DNM1L: variants seen among roughly 807,000 people sequenced by gnomAD.
The protein encoded by DNM1L is dynamin-1-like protein.
Under a neutral mutation model 92.8 loss-of-function variants are expected in DNM1L, and 33 were observed. That is an observed-to-expected ratio of 0.36 (90% CI 0.27 to 0.48). The LOEUF (loss-of-function observed/expected upper bound fraction) is 0.48, where lower values mean the gene tolerates loss of function less well. DNM1L is among the 20% of genes least tolerant of loss of function. The pLI is 0.99. For missense variants in DNM1L, 485 were observed against 888.8 expected (o/e 0.55, Z 5.78); for synonymous variants, 284 against 305.0 (o/e 0.93, Z 0.72).
At chr12:32,739,787 TG>T in intron 16 of DNM1L, 1 of 395,366 alleles carries the variant, frequency 2.5e-6, no homozygotes, top group Admixed American at 3.8e-5. Flanking sequence ...GGAACGATTT[TG>T]AAAAGTTAGC....
intron 9 of DNM1L, chr12:32,726,960 T>C: frequency 1.4e-6 from 1 of 729,338 alleles, no homozygotes; most frequent in Non-Finnish European, 2.5e-6. Context: ...GAACTTCACT[T>C]TGGTATCTTT....
chr12:32,715,577 C>G (rs753437010), intron 6 of DNM1L, among the ~76,000 whole-genome samples: 5 of 151,784 alleles, frequency 3.3e-5, no homozygotes, highest in Non-Finnish European at 7.4e-5. Flanking sequence ...TCTAAAAATA[C>G]AAAAATTAGC....
intron 1 of DNM1L, among the ~76,000 whole-genome samples, chr12:32,688,752 A>G (rs1952119727): frequency 6.6e-6 from 1 of 152,170 alleles, no homozygotes; most frequent in Non-Finnish European, 1.5e-5. Flanking sequence ...ACAGACGATA[A>G]TTCTGCCTTA....
At chr12:32,713,495 T>A in intron 6 of DNM1L, 124 bp downstream of exon 6, 2 of 1,092,126 alleles carry the variant, frequency 1.8e-6, no homozygotes, top group Non-Finnish European at 2.7e-6. Context: ...AAGATAATGC[T>A]TTCCTATTTT....
chr12:32,714,228 A>G (rs1953259038), intron 6 of DNM1L, among the ~76,000 whole-genome samples: 1 of 151,538 alleles, frequency 6.6e-6, no homozygotes, highest in Admixed American at 6.6e-5. Context: ...TAAGACTGCC[A>G]ATCTGCCAAT....
chr12:32,707,225 A>G (rs1401270530), intron 2 of DNM1L, 142 bp from the exon 3 acceptor site: 1 of 576,732 alleles, frequency 1.7e-6, no homozygotes, highest in African/African-American at 1.9e-5. Context: ...AATTTAGCAG[A>G]CCTTAAAATA....
chr12:32,737,609 A>G (rs751919027), intron 14 of DNM1L: 5 of 471,200 alleles, frequency 1.1e-5, no homozygotes, highest in African/African-American at 2.0e-5. Flanking sequence ...GCCAGAAAAG[A>G]ATCTTATTAA....
At chr12:32,708,125 T>C (rs1214761437) in intron 3 of DNM1L, 28 bp from the exon 4 acceptor site, 2 of 1,382,394 alleles carry the variant, frequency 1.4e-6, no homozygotes, top group East Asian at 4.6e-5. Context: ...TTTTGAATAT[T>C]ATGCTTTTTT....
intron 18 of DNM1L, among the ~76,000 whole-genome samples, chr12:32,741,578 C>T (rs1955295683): frequency 6.6e-6 from 1 of 152,200 alleles, no homozygotes; most frequent in Non-Finnish European, 1.5e-5. Flanking sequence ...AGCCACTGCA[C>T]CCGGCTCACT....
At chr12:32,683,516 C>A (rs1171183601) in intron 1 of DNM1L, among the ~76,000 whole-genome samples, 1 of 151,226 alleles carries the variant, frequency 6.6e-6, no homozygotes, top group Non-Finnish European at 1.5e-5. Flanking sequence ...CTGCACCTAG[C>A]CTAAAAATAA....
chr12:32,717,930 TTATATATATATAAAATATAGTATATATAG>T (rs1953584891), intron 6 of DNM1L, among the ~76,000 whole-genome samples: 1 of 80,250 alleles, frequency 1.2e-5, no homozygotes. Flanking sequence ...AGTATATATT[TTATATATATATAAAATATAGTATATATAG>T]TATATATATT....
intron 8 of DNM1L, among the ~76,000 whole-genome samples, chr12:32,722,194 A>G (rs1020737100): frequency 1.3e-5 from 2 of 152,186 alleles, no homozygotes; most frequent in African/African-American, 4.8e-5. Context: ...GCCACCAGTC[A>G]TCTCATTAGC....
chr12:32,684,423 C>T (rs756981287), intron 1 of DNM1L, among the ~76,000 whole-genome samples: 5 of 152,174 alleles, frequency 3.3e-5, no homozygotes, highest in Non-Finnish European at 7.3e-5. Context: ...TTAGTGGAAT[C>T]CTATAATATG....
chr12:32,745,351 T>TAAAG lies in DNM1L; in HGVS notation c.*1943_*1946dup. 4.4e-6 allele frequency: 1 copy of TAAAG among 226,694 alleles called. No homozygotes were observed. Among genetic ancestry groups the TAAAG allele is most frequent in the Non-Finnish European group, 8.6e-6 (1 of 115,766 alleles). The allele number at this position is 226,694 out of a possible 1,614,324, so 14.0% of individuals were successfully genotyped here. On this transcript the variant is annotated 3_prime_UTR_variant, in exon 20 of 20. Coordinates refer to ENST00000549701, the MANE Select transcript of DNM1L (RefSeq NM_012062.5). ...GCACATCAGATTTCAAATTGAAAAT[T>TAAAG]AAAGACATGCTATGGTAATGCACTT...
intron 6 of DNM1L, 143 bp from the exon 7 acceptor site, chr12:32,718,500 A>G (rs907419781): frequency 2.9e-6 from 3 of 1,031,826 alleles, no homozygotes; most frequent in South Asian, 1.4e-5. Context: ...AGCACTGGTA[A>G]GTAAGGCATT....
intron 1 of DNM1L, among the ~76,000 whole-genome samples, chr12:32,701,144 C>T (rs1480500171): frequency 6.6e-6 from 1 of 151,954 alleles, no homozygotes; most frequent in African/African-American, 2.4e-5. Flanking sequence ...GGCGTGGTGG[C>T]ACACGCCTGT....
At chr12:32,723,850 TTAAGGATTTCCAGTAGTAAGTTAAAA>T (rs1953936211) in intron 9 of DNM1L, among the ~76,000 whole-genome samples, 1 of 152,130 alleles carries the variant, frequency 6.6e-6, no homozygotes, top group Non-Finnish European at 1.5e-5. Context: ...TTATAATTGG[TTAAGGATTTCCAGTAGTAAGTTAAAA>T]TCTCAGGAGA....
chr12:32,702,656 T>C lies in DNM1L; in HGVS notation c.250+1094T>C, dbSNP rs140206462. Among the ~76,000 whole-genome samples the C allele has an allele frequency of 5.9e-3, 898 of 152,166 alleles. 12 individuals are homozygous for C. The highest frequency in any genetic ancestry group is 0.02 in the Middle Eastern group (6 of 294). On this transcript the variant is annotated intron_variant, in intron 2 of 19. Coordinates refer to ENST00000549701, the MANE Select transcript of DNM1L (RefSeq NM_012062.5). ...TTCTGTGTCTGATTTTTTCATTTAC[T>C]GTAGGAGCTGTTGGTGGTGATGACT...
chr12:32,704,184 GT>G (rs1349538187), intron 2 of DNM1L, among the ~76,000 whole-genome samples: 5 of 151,934 alleles, frequency 3.3e-5, no homozygotes, highest in Admixed American at 2.6e-4. Flanking sequence ...GAAAAAAAAT[GT>G]GAAAAAAAAA....
Sources: gnomAD v4.1 joint callset for allele counts (sites outside exome capture counted in the v4.1 genomes callset) on GRCh38, gnomAD v4.1.1 for gene constraint, MANE v1.5 for transcripts, NCBI Gene and HGNC (gene_info 2026-07-23, HGNC 2026-07-21) for gene names.